PTPRD: variants seen among roughly 807,000 people sequenced by gnomAD.
PTPRD encodes the protein receptor-type tyrosine-protein phosphatase delta.
In PTPRD, 34 loss-of-function variants were observed where a neutral mutation model predicts 214.5. The ratio of observed to expected loss-of-function variants is 0.16; its 90% CI spans 0.12 to 0.21. PTPRD has a LOEUF of 0.21. PTPRD is among the 10% of genes least tolerant of loss of function. PTPRD has a pLI of 1.00. For missense variants in PTPRD, 2,545 were observed against 2,398.7 expected (o/e 1.06, Z -1.27); for synonymous variants, 1,128 against 845.7 (o/e 1.33, Z -5.79).
intron 10 of PTPRD, among the ~76,000 whole-genome samples, chr9:9,037,597 G>A (rs1040493634): frequency 6.6e-6 from 1 of 152,132 alleles, no homozygotes; most frequent in South Asian, 2.1e-4. Flanking sequence ...TACCAGGAGA[G>A]ATCAGTTTTA....
chr9:9,930,703 C>A (rs919043010), intron 5 of PTPRD, among the ~76,000 whole-genome samples: 1 of 151,972 alleles, frequency 6.6e-6, no homozygotes, highest in African/African-American at 2.4e-5. Context: ...ACACTTGACA[C>A]AAATATAATA....
intron 39 of PTPRD, among the ~76,000 whole-genome samples, chr9:8,348,485 T>G (rs888312115): frequency 2.0e-5 from 3 of 152,152 alleles, no homozygotes; most frequent in African/African-American, 7.2e-5. Context: ...CTAAATACAT[T>G]GCTTCACGGT....
intron 9 of PTPRD, among the ~76,000 whole-genome samples, chr9:9,383,708 G>A (rs78875532): frequency 6.6e-6 from 1 of 152,078 alleles, no homozygotes; most frequent in Non-Finnish European, 1.5e-5. Context: ...ATTGGTAAGT[G>A]TAGGGTAAGT....
chr9:9,779,304 A>G (rs1451991093), intron 5 of PTPRD, among the ~76,000 whole-genome samples: 3 of 152,028 alleles, frequency 2.0e-5, no homozygotes, highest in Admixed American at 6.6e-5. Flanking sequence ...GACAAAAAAA[A>G]TTTGGCTAAG....
At chr9:10,578,942 CATGT>C (rs2070649123) in intron 2 of PTPRD, among the ~76,000 whole-genome samples, 1 of 151,970 alleles carries the variant, frequency 6.6e-6, no homozygotes, top group Non-Finnish European at 1.5e-5. Flanking sequence ...TTCCGGGATA[CATGT>C]GCAGAATGTG....
At chr9:8,425,604 G>C (rs1189161740) in intron 35 of PTPRD, among the ~76,000 whole-genome samples, 1 of 152,158 alleles carries the variant, frequency 6.6e-6, no homozygotes, top group Non-Finnish European at 1.5e-5. Context: ...ACTCTGGGAA[G>C]ACTCTCGTCA....
chr9:9,633,935 G>C (rs888834054), intron 7 of PTPRD, among the ~76,000 whole-genome samples: 14 of 152,170 alleles, frequency 9.2e-5, no homozygotes, highest in Non-Finnish European at 2.1e-4. Flanking sequence ...CAAATTAGAA[G>C]TCTATGTGAT....
chr9:10,508,205 G>T (rs2046726864), intron 2 of PTPRD, among the ~76,000 whole-genome samples: 1 of 152,220 alleles, frequency 6.6e-6, no homozygotes, highest in African/African-American at 2.4e-5. Context: ...ATGCTCATCA[G>T]CACTGGCCAT....
intron 9 of PTPRD, among the ~76,000 whole-genome samples, chr9:9,365,189 G>C (rs921007486): frequency 2.0e-5 from 3 of 151,470 alleles, no homozygotes; most frequent in African/African-American, 7.3e-5. Context: ...TTTTAAAATT[G>C]TTCTATGTTA....
chr9:9,181,689 C>T (rs2099928328), intron 10 of PTPRD, among the ~76,000 whole-genome samples: 1 of 151,940 alleles, frequency 6.6e-6, no homozygotes, highest in African/African-American at 2.4e-5. Flanking sequence ...AAGTAGAAGA[C>T]AATCCAGGCA....
intron 7 of PTPRD, among the ~76,000 whole-genome samples, chr9:9,679,618 A>T (rs1325791116): frequency 6.6e-6 from 1 of 151,942 alleles, no homozygotes; most frequent in Admixed American, 6.6e-5. Flanking sequence ...GGGAACTTTT[A>T]TGAAGTAGTC....
chr9:9,220,577 G>C (rs1386747788), intron 9 of PTPRD, among the ~76,000 whole-genome samples: 1 of 151,950 alleles, frequency 6.6e-6, no homozygotes, highest in Non-Finnish European at 1.5e-5. Flanking sequence ...TGATATAATA[G>C]CACATCTTTC....
At chr9:9,211,839 A>C (rs1315395286) in intron 9 of PTPRD, among the ~76,000 whole-genome samples, 1 of 150,738 alleles carries the variant, frequency 6.6e-6, no homozygotes, top group Non-Finnish European at 1.5e-5. Flanking sequence ...AAAGAACTTT[A>C]TTTTCAGCCA....
chr9:10,082,590 C>A (rs2082544826), intron 3 of PTPRD, among the ~76,000 whole-genome samples: 1 of 151,920 alleles, frequency 6.6e-6, no homozygotes, highest in Non-Finnish European at 1.5e-5. Context: ...GTAGAAACTT[C>A]ATATGCATCT....
intron 7 of PTPRD, among the ~76,000 whole-genome samples, chr9:9,614,726 C>T (rs1399248516): frequency 1.3e-5 from 2 of 152,034 alleles, no homozygotes; most frequent in Non-Finnish European, 2.9e-5. Flanking sequence ...ACTAAAGTAA[C>T]CTTATACCTA....
At chr9:9,482,661 G>A (rs1453501562) in intron 8 of PTPRD, among the ~76,000 whole-genome samples, 1 of 152,176 alleles carries the variant, frequency 6.6e-6, no homozygotes, top group African/African-American at 2.4e-5. Context: ...ATTATCCGTA[G>A]ATGGCAGTGG....
chr9:9,633,071 G>A (rs2095642863), intron 7 of PTPRD, among the ~76,000 whole-genome samples: 1 of 152,106 alleles, frequency 6.6e-6, no homozygotes, highest in Non-Finnish European at 1.5e-5. Flanking sequence ...GAGGCAGGTG[G>A]ATCACTTGAG....
At chr9:9,390,603 A>G (rs1210137473) in intron 9 of PTPRD, among the ~76,000 whole-genome samples, 1 of 152,174 alleles carries the variant, frequency 6.6e-6, no homozygotes, top group African/African-American at 2.4e-5. Flanking sequence ...TAGGACAGGT[A>G]AAAGAGGTAA....
rs534832049 is a variant in PTPRD, at chr9:9,022,320, C to A, written c.-142-3585G>T. Among the ~76,000 whole-genome samples, 4 of 152,042 alleles carry A rather than the reference C, an allele frequency of 2.6e-5. No homozygotes were observed. In the South Asian group the frequency reaches 8.3e-4, roughly 32 times the overall value. ...TCCTCCATATTACTCACTGCTCACT[C>A]GTTGATTCACCTAGAGCAACTTCCA... On this transcript the variant is annotated intron_variant, in intron 10 of 45. Coordinates refer to ENST00000381196, the MANE Select transcript of PTPRD (RefSeq NM_002839.4).
Sources: allele counts gnomAD v4.1 joint callset (sites outside exome capture counted in the v4.1 genomes callset), GRCh38; gene constraint gnomAD v4.1.1; transcripts MANE v1.5; gene names NCBI Gene and HGNC (gene_info 2026-07-23, HGNC 2026-07-21).